The following SRPRA variants were observed in gnomAD, a reference collection of about 807,000 sequenced individuals.
SRPRA encodes SRP receptor subunit alpha.
SRPRA carries 30 observed loss-of-function variants against 61.1 expected under a neutral mutation model. The observed-to-expected ratio is 0.49, with a 90% CI of 0.37 to 0.67. The LOEUF (loss-of-function observed/expected upper bound fraction) is 0.67. SRPRA is among the 30% of genes least tolerant of loss of function. The probability of loss-of-function intolerance (pLI) is 0.00; values close to 1 mark genes in which losing one functional copy is unlikely to be tolerated. For missense variants in SRPRA, 759 were observed against 828.4 expected, an observed-to-expected ratio of 0.92 and a Z score of 1.03; for synonymous variants, 324 against 299.7, an observed-to-expected ratio of 1.08 and a Z score of -0.84.
the SRPRA span, chr11:126,250,752 G>C: frequency 1.3e-6 from 2 of 1,557,490 alleles, no homozygotes. The surrounding 1 kb of genome is among the most constrained non-coding windows in gnomAD (Gnocchi z 5.1). Context: ...TAAAGCATTG[G>C]TCCCTTCTTC....
In SRPRA at chr11:126,265,879, G is replaced by T; in HGVS notation, c.1052-56C>A. On this transcript the variant is annotated intron_variant, in intron 8 of 13. Coordinates refer to ENST00000332118, the MANE Select transcript of SRPRA (RefSeq NM_003139.4). This position sits in a 1 kb window ranked among gnomAD's most constrained non-coding sequence, Gnocchi z 6.3. ...CATGTCAGCAATGACCAATCTTTATGGTACAGGTGAGAAACGCTAGGTGAT... is the reference window on the plus strand; with the variant it reads ...CATGTCAGCAATGACCAATCTTTATTGTACAGGTGAGAAACGCTAGGTGAT... 6.2e-7 allele frequency: 1 copy of T among 1,611,994 alleles called. No homozygotes were observed. The highest frequency in any genetic ancestry group is 1.1e-5 in the South Asian group (1 of 91,050).
chr11:126,267,319 T>A lies in SRPRA; in HGVS notation c.382A>T (p.Ser128Cys). The part of the protein sequence containing the change: ...LRLLREAEES[S>C]KIRAPTTMKK... The stretch of plus-strand genomic sequence containing the variant: ...ATGGTAGTGGGAGCACGGATCTTAC[T>A]GCTCTCCTCTGCTTCACTAAACAAA... Residue 128 changes from serine to cysteine, a missense_variant, in exon 4 of 14, where the codon AGT becomes TGT. Around this residue, in one of 2 missense-constraint regions of SRPRA, gnomAD observed 475 missense variants for 462.5 expected, o/e 1.03. Transcript: ENST00000332118. The surrounding 1 kb of genome is among the most constrained non-coding windows in gnomAD (Gnocchi z 4.2). 6.2e-7 allele frequency: 1 copy of A among 1,614,074 alleles called. No individual in the cohort carries two copies. Among genetic ancestry groups the A allele is most frequent in the Non-Finnish European group, 8.5e-7 (1 of 1,180,002 alleles).
chr11:126,267,101 GA>G lies in SRPRA; in HGVS notation c.526+73del. ...AGAAGCAGGTAAGCAATGACAAAAGGAAGGACCACCTCAGTCCTTAGCACCG... is the reference window on the plus strand; with the variant it reads ...AGAAGCAGGTAAGCAATGACAAAAGGAGGACCACCTCAGTCCTTAGCACCG... On this transcript the variant is annotated intron_variant, in intron 4 of 13. Transcript: ENST00000332118. This position sits in a 1 kb window ranked among gnomAD's most constrained non-coding sequence, Gnocchi z 4.2. 6.4e-7 allele frequency: 1 copy of G among 1,568,406 alleles called. No individual in the cohort carries two copies. The highest frequency in any genetic ancestry group is 1.8e-5 in the Admixed American group (1 of 55,874).
At chr11:126,237,083 A>C in the SRPRA span, among the ~76,000 whole-genome samples, 87 of 148,414 alleles carry the variant, frequency 5.9e-4, no homozygotes, top group African/African-American at 2.1e-3. Flanking sequence ...TGCCCGGCTA[A>C]TTTTTTGTAT....
chr11:126,261,390 C>T, downstream of SRPRA: 3 of 1,592,908 alleles, frequency 1.9e-6, no homozygotes, highest in South Asian at 1.1e-5. Context: ...TTTAGCTTTT[C>T]AGTCTAATGT....
rs1950791810 is a variant in SRPRA at position 126,265,517 on chromosome 11, C to G, written c.1139-77G>C. 6.7e-7 allele frequency: 1 copy of G among 1,486,958 alleles called. No individual in the cohort carries two copies. The highest frequency in any genetic ancestry group is 1.4e-5 in the African/African-American group (1 of 71,796). The allele number at this position is 1,486,958 out of a possible 1,614,324, so 92.1% of individuals were successfully genotyped here. On this transcript the variant is annotated intron_variant, in intron 9 of 13. Transcript: ENST00000332118. This position sits in a 1 kb window ranked among gnomAD's most constrained non-coding sequence, Gnocchi z 6.3. ...CAAAAATGCCTAACACCTTTCTGAGCTAAGGGGACTAAAACAGTAAATTAG... is the reference window on the plus strand; with the variant it reads ...CAAAAATGCCTAACACCTTTCTGAGGTAAGGGGACTAAAACAGTAAATTAG...
chr11:126,245,732 A>C, the SRPRA span, among the ~76,000 whole-genome samples: 89 of 152,164 alleles, frequency 5.8e-4, no homozygotes, highest in African/African-American at 2.1e-3. Flanking sequence ...CGCAGTGGCT[A>C]ACTCCTGTAA....
At chr11:126,255,502 C>A in the SRPRA span, among the ~76,000 whole-genome samples, 9 of 152,274 alleles carry the variant, frequency 5.9e-5, no homozygotes, top group Admixed American at 2.6e-4. The surrounding 1 kb of genome is among the most constrained non-coding windows in gnomAD (Gnocchi z 4.6). Flanking sequence ...CACACACACA[C>A]ACATACTGAT....
In SRPRA at chr11:126,266,223, T is replaced by G. The variant is rs780804250; in HGVS notation, c.896A>C (p.Asp299Ala). ...AGAGTTTTGAGCAGCCCCTTCGTCA[T>G]CAGAGCTGCTGCAGTCCAGATCCTG... ...QLQDLDCSSS[D>A]DEGAAQNSTK... The change falls in exon 7 of 14, where the codon GAT becomes GCT. Residue 299 changes from aspartate to alanine, a missense_variant. Coordinates refer to ENST00000332118, the MANE Select transcript of SRPRA (RefSeq NM_003139.4). The G allele has an allele frequency of 6.2e-7, 1 of 1,614,188 alleles. No individual in the cohort carries two copies. The highest frequency in any genetic ancestry group is 1.7e-5 in the Admixed American group (1 of 60,028).
the SRPRA span, among the ~76,000 whole-genome samples, chr11:126,237,349 T>A: frequency 6.7e-6 from 1 of 148,596 alleles, no homozygotes; most frequent in Non-Finnish European, 1.5e-5. Flanking sequence ...GCCTCCTGAG[T>A]AGCTGGGATT....
At chr11:126,261,576 C>A, downstream of SRPRA, 1 of 1,014,030 alleles carries the variant, frequency 9.9e-7, no homozygotes, top group South Asian at 1.4e-5. Flanking sequence ...TACTTTGGAC[C>A]TCACATTGCC....
the SRPRA span, among the ~76,000 whole-genome samples, chr11:126,252,130 G>A: frequency 6.6e-6 from 1 of 151,996 alleles, no homozygotes; most frequent in Admixed American, 6.6e-5. The surrounding 1 kb of genome is among the most constrained non-coding windows in gnomAD (Gnocchi z 4.7). Context: ...GGGATTACAG[G>A]CACCCGCCAT....
chr11:126,268,374 G>T (rs1340722973), intron 1 of SRPRA, among the ~76,000 whole-genome samples: 2 of 152,160 alleles, frequency 1.3e-5, no homozygotes, highest in Non-Finnish European at 2.9e-5. Context: ...TTTTGTAAAG[G>T]TGTTTTCCCA....
At chr11:126,254,436 G>A in the SRPRA span, 7 of 1,614,100 alleles carry the variant, frequency 4.3e-6, no homozygotes, top group Non-Finnish European at 5.1e-6. Context: ...AAGTCATGGT[G>A]AGTGGGGCTG....
Position 126,266,035 on chromosome 11 carries a change from G to A in SRPRA, c.979C>T (p.Leu327Phe). The change falls in exon 8 of 14, where the codon CTT (leucine) becomes TTT (phenylalanine). Residue 327 changes from leucine to phenylalanine, a missense_variant. By Grantham distance (22) the Leu-to-Phe change is conservative. Around this residue, in one of 2 missense-constraint regions of SRPRA, gnomAD observed 475 missense variants for 462.5 expected, o/e 1.03. Coordinates refer to ENST00000332118, the MANE Select transcript of SRPRA (RefSeq NM_003139.4). ...LGGMFGMLKG[L>F]VGSKSLSRED... ...CGACTCAAGCTCTTTGAACCCACAA[G>A]GCCCTTCAGCATACCAAACATGCCA... 7 of 1,614,142 alleles carry A rather than the reference G, an allele frequency of 4.3e-6. No homozygotes were observed. Among genetic ancestry groups the A allele is most frequent in the Non-Finnish European group, 5.1e-6 (6 of 1,180,026 alleles).
At chr11:126,250,486 T>C in the SRPRA span, 9 of 1,581,940 alleles carry the variant, frequency 5.7e-6, no homozygotes, top group Admixed American at 1.7e-5. The surrounding 1 kb of genome is among the most constrained non-coding windows in gnomAD (Gnocchi z 5.1). Flanking sequence ...CTAATTTTCT[T>C]TTTTCAAATC....
At chr11:126,246,988 ATC>A in the SRPRA span, among the ~76,000 whole-genome samples, 1 of 152,198 alleles carries the variant, frequency 6.6e-6, no homozygotes. Context: ...GGGACCCCCT[ATC>A]TCTACACAAA....
At chr11:126,260,266 C>G (rs908544082), downstream of SRPRA, 2 of 152,200 alleles carry the variant, frequency 1.3e-5, no homozygotes, top group African/African-American at 2.4e-5. Context: ...CTCCTAAGTG[C>G]AAGCAATCCT....
chr11:126,266,437 T>G (rs755981299), intron 6 of SRPRA, 39 bp downstream of exon 6: 29 of 1,604,800 alleles, frequency 1.8e-5, no homozygotes, highest in Non-Finnish European at 2.2e-5. Flanking sequence ...TCCTCCCAAT[T>G]TGTTGTTAAA....
Sources: gnomAD v4.1 joint callset for allele counts (sites outside exome capture counted in the v4.1 genomes callset) on GRCh38, gnomAD v4.1.1 for gene constraint, gnomAD v4.1.1 regional missense constraint, Gnocchi (gnomAD v3.1) non-coding constraint, MANE v1.5 for transcripts, NCBI Gene and HGNC (gene_info 2026-07-23, HGNC 2026-07-21) for gene names.